The following CCDC73 variants were observed in gnomAD, a reference collection of about 807,000 sequenced individuals.
The protein encoded by CCDC73 is coiled-coil domain-containing protein 73.
In CCDC73, 95 loss-of-function variants were observed where a neutral mutation model predicts 116.5. That is an observed-to-expected ratio of 0.82 (90% CI 0.69 to 0.97). The LOEUF is 0.97. Ranked by LOEUF, CCDC73 falls within the 50% of genes least tolerant of loss-of-function variation. The pLI, the probability that CCDC73 is intolerant of heterozygous loss-of-function variation, is 0.00. For missense variants in CCDC73, 1,066 were observed against 1,206.8 expected, an observed-to-expected ratio of 0.88 and a Z score of 1.73; for synonymous variants, 398 against 401.3, an observed-to-expected ratio of 0.99 and a Z score of 0.10.
intron 2 of CCDC73, among the ~76,000 whole-genome samples, chr11:32,728,822 A>T (rs2419404): frequency 0.16 from 23,782 of 152,086 alleles, 1,983 homozygotes; most frequent in South Asian, 0.27. Context: ...CTCCTGCCTC[A>T]GCCTCCCAAG....
At chr11:32,681,109 C>T (rs1856138992) in intron 7 of CCDC73, 1 of 151,868 alleles carries the variant, frequency 6.6e-6, no homozygotes, top group African/African-American at 2.4e-5. Context: ...ATTGAAATTG[C>T]TTTAACTTCA....
intron 2 of CCDC73, among the ~76,000 whole-genome samples, chr11:32,730,415 G>C (rs991165926): frequency 2.0e-5 from 3 of 152,078 alleles, no homozygotes; most frequent in African/African-American, 4.8e-5. Context: ...CTCCATTTTT[G>C]AGGATTTTTT....
chr11:32,724,748 A>G (rs1245551822), intron 2 of CCDC73, among the ~76,000 whole-genome samples: 4 of 152,180 alleles, frequency 2.6e-5, no homozygotes, highest in Non-Finnish European at 5.9e-5. Context: ...CCAGGTCAAC[A>G]TAATTCCTAC....
chr11:32,775,195 C>T (rs1036511877), intron 1 of CCDC73, among the ~76,000 whole-genome samples: 1 of 152,110 alleles, frequency 6.6e-6, no homozygotes, highest in Non-Finnish European at 1.5e-5. Context: ...GTTGTATCCC[C>T]CAGAGCCTAG....
intron 2 of CCDC73, among the ~76,000 whole-genome samples, chr11:32,729,249 T>A (rs1384779147): frequency 1.3e-5 from 2 of 152,180 alleles, no homozygotes; most frequent in Non-Finnish European, 2.9e-5. Context: ...CAGCTCCCAC[T>A]TACAAGTGAA....
At chr11:32,760,072 T>C (rs760416991) in intron 2 of CCDC73, 37 bp downstream of exon 2, 16 of 1,541,806 alleles carry the variant, frequency 1.0e-5, no homozygotes, top group South Asian at 2.4e-5. Flanking sequence ...AAATCAAGTT[T>C]TCTTATTTAA....
At chr11:32,695,177 T>C (rs1565077978) in intron 6 of CCDC73, among the ~76,000 whole-genome samples, 1 of 152,208 alleles carries the variant, frequency 6.6e-6, no homozygotes, top group African/African-American at 2.4e-5. Flanking sequence ...AAGACCAGCC[T>C]GGCCAACGTG....
rs191741682 is a variant in CCDC73, at chr11:32,775,465, C to T, written c.-15-15207G>A. 3.6e-3 allele frequency among the ~76,000 whole-genome samples: 553 copies of T among 152,254 alleles called. 5 individuals carry two copies. The highest frequency in any genetic ancestry group is 0.013 in the African/African-American group (534 of 41,562). On this transcript the variant is annotated intron_variant, in intron 1 of 17. Coordinates refer to ENST00000335185, the MANE Select transcript of CCDC73 (RefSeq NM_001008391.4). ...CTCCAGAGCACTTAACATTATCCTACATTATCTTATGTTGATTATGTGTTA... is the reference window on the plus strand; with the variant it reads ...CTCCAGAGCACTTAACATTATCCTATATTATCTTATGTTGATTATGTGTTA...
the CCDC73 span, among the ~76,000 whole-genome samples, chr11:32,810,159 T>C: frequency 1.3e-5 from 2 of 152,220 alleles, no homozygotes; most frequent in Non-Finnish European, 2.9e-5. Context: ...GATTGTTCAG[T>C]TGGTTGGATC....
At chr11:32,621,619 A>AT (rs1855523844) in intron 14 of CCDC73, among the ~76,000 whole-genome samples, 1 of 152,206 alleles carries the variant, frequency 6.6e-6, no homozygotes, top group South Asian at 2.1e-4. Context: ...ATGGGCAAAG[A>AT]TTTTATGATG....
Position 32,653,109 on chromosome 11 carries a change from C to CAGAT in CCDC73, c.939+10_939+13dup, listed in dbSNP as rs758896996. 4 of 1,462,652 alleles carry CAGAT rather than the reference C, an allele frequency of 2.7e-6. No individual in the cohort carries two copies. Among genetic ancestry groups the CAGAT allele is most frequent in the South Asian group, 1.2e-5 (1 of 85,688 alleles). 90.6% of individuals were successfully genotyped at this position (1,462,652 alleles called of 1,614,324 possible). On this transcript the variant is annotated intron_variant, in intron 12 of 17. Transcript: ENST00000335185. ...ACAGATAGATAGACAGACAGACAGACAGATAGAACGAACCTGATTATTTTC... is the reference window on the plus strand; with the variant it reads ...ACAGATAGATAGACAGACAGACAGACAGATAGATAGAACGAACCTGATTATTTTC...
intron 7 of CCDC73, chr11:32,682,962 CA>C (rs1330468829): frequency 6.4e-6 from 1 of 155,320 alleles, no homozygotes; most frequent in Non-Finnish European, 1.4e-5. Flanking sequence ...TTAATAATTA[CA>C]TGTTTACATA....
chr11:32,640,962 G>C (rs1855727081), intron 13 of CCDC73, among the ~76,000 whole-genome samples: 1 of 151,912 alleles, frequency 6.6e-6, no homozygotes, highest in Non-Finnish European at 1.5e-5. Flanking sequence ...CTTGCAGTGA[G>C]CAGAGATCCG....
intron 2 of CCDC73, among the ~76,000 whole-genome samples, chr11:32,755,536 A>ATATATAT (rs1850325554): frequency 5.0e-5 from 3 of 59,928 alleles, no homozygotes; most frequent in African/African-American, 1.9e-4. Context: ...TCCATCTCAA[A>ATATATAT]ATATATATAT....
chr11:32,676,590 G>C (rs2133288494), intron 7 of CCDC73, among the ~76,000 whole-genome samples: 1 of 152,272 alleles, frequency 6.6e-6, no homozygotes, highest in Non-Finnish European at 1.5e-5. Context: ...TTTGAGACCA[G>C]CCTAGGCAAT....
chr11:32,777,182 T>G lies in CCDC73; in HGVS notation c.-15-16924A>C, dbSNP rs1191220256. Among the ~76,000 whole-genome samples, 4 of 148,508 alleles carry G rather than the reference T, an allele frequency of 2.7e-5. No homozygotes were observed. In the East Asian group the frequency reaches 7.8e-4, roughly 29 times the overall value. The stretch of plus-strand genomic sequence containing the variant: ...GGTGCAATCTCAGATCTCAGCTCAC[T>G]GCAACCTCCACCTCCTGTGTTCAAG... On this transcript the variant is annotated intron_variant, in intron 1 of 17. Transcript: ENST00000335185.
intron 9 of CCDC73, among the ~76,000 whole-genome samples, chr11:32,664,141 C>CT (rs1178540135): frequency 6.6e-6 from 1 of 152,124 alleles, no homozygotes; most frequent in South Asian, 2.1e-4. Context: ...CTAAAATTCT[C>CT]TTTTTTTATT....
chr11:32,713,391 G>A (rs144380820), intron 3 of CCDC73, among the ~76,000 whole-genome samples: 2 of 152,092 alleles, frequency 1.3e-5, no homozygotes, highest in Admixed American at 6.5e-5. Context: ...TATGGTTTCC[G>A]ATCTCAGTAG....
chr11:32,735,694 A>G (rs1273652156), intron 2 of CCDC73, among the ~76,000 whole-genome samples: 1 of 152,228 alleles, frequency 6.6e-6, no homozygotes, highest in East Asian at 1.9e-4. Context: ...AAGAGCTCGC[A>G]TTGCCAAGGC....
Sources: gnomAD v4.1 joint callset for allele counts (sites outside exome capture counted in the v4.1 genomes callset) on GRCh38, gnomAD v4.1.1 for gene constraint, MANE v1.5 for transcripts, NCBI Gene and HGNC (gene_info 2026-07-23, HGNC 2026-07-21) for gene names.